Variants in RAB10 observed in about 807,000 individuals in gnomAD.
The protein encoded by RAB10 is ras-related protein Rab-10.
In RAB10, 5 loss-of-function variants were observed where a neutral mutation model predicts 25.7. The ratio of observed to expected loss-of-function variants is 0.19; its 90% CI spans 0.10 to 0.41. RAB10 has a LOEUF of 0.41. RAB10 is among the 10% of genes least tolerant of loss of function. The pLI is 1.00. For synonymous variants in RAB10, 89 were observed against 86.4 expected (o/e 1.03, Z -0.16); for missense variants, 103 against 245.8 (o/e 0.42, Z 3.89).
At chr2:26,083,813 C>T (rs1482797843) in intron 1 of RAB10, among the ~76,000 whole-genome samples, 1 of 152,016 alleles carries the variant, frequency 6.6e-6, no homozygotes, top group Non-Finnish European at 1.5e-5. Context: ...GCAGCTGCAC[C>T]TGCTTAATCA....
chr2:26,117,009 T>G (rs895486024), intron 3 of RAB10, among the ~76,000 whole-genome samples: 1 of 152,208 alleles, frequency 6.6e-6, no homozygotes, highest in African/African-American at 2.4e-5. Context: ...ACAAGTTTTC[T>G]GTTCCTTGGA....
In RAB10 at chr2:26,034,403, C is replaced by T; in HGVS notation, c.-206C>T. On this transcript the variant is annotated 5_prime_UTR_variant, in exon 1 of 6. Coordinates refer to ENST00000264710, the MANE Select transcript of RAB10 (RefSeq NM_016131.5). ...GACGGGCTGGGAGAGGCTGCGGAGC[C>T]GCGGTCGCCGCCCTCGGAGGCACTG... 1 of 646,630 alleles carries T rather than the reference C, an allele frequency of 1.5e-6. No homozygotes were observed. The highest frequency in any genetic ancestry group is 2.6e-6 in the Non-Finnish European group (1 of 381,684). The allele number at this position is 646,630 out of a possible 1,614,324, so 40.1% of individuals were successfully genotyped here.
intron 1 of RAB10, among the ~76,000 whole-genome samples, chr2:26,060,143 G>A (rs1282795430): frequency 1.3e-5 from 2 of 152,112 alleles, no homozygotes; most frequent in African/African-American, 4.8e-5. Context: ...TTGTGAATTC[G>A]TGTGAATGCC....
At chr2:26,061,835 C>T (rs1666402214) in intron 1 of RAB10, among the ~76,000 whole-genome samples, 1 of 146,072 alleles carries the variant, frequency 6.8e-6, no homozygotes, top group Non-Finnish European at 1.5e-5. Context: ...CGGGTCACTG[C>T]AGCCTTGACC....
At position 26,127,161 on chromosome 2, in the gene RAB10, G is replaced by A. The variant is rs760797226; in HGVS notation, c.345G>A (p.Val115=). 38 of 1,598,418 alleles carry A rather than the reference G, an allele frequency of 2.4e-5. No individual in the cohort carries two copies. The highest frequency in any genetic ancestry group is 1.7e-4 in the Middle Eastern group (1 of 6,046). ...CATTTTAGCATGCCAATGAAGATGTGGAAAGAATGTTACTAGGAAACAAGT... is the reference window on the plus strand; with the variant it reads ...CATTTTAGCATGCCAATGAAGATGTAGAAAGAATGTTACTAGGAAACAAGT... ...RNIDEHANED[V]ERMLLGNKCD... is the part of the protein sequence containing the mutation. Residue 115 remains valine (V), a synonymous_variant, in exon 4 of 6, where the codon GTG becomes GTA. Coordinates refer to ENST00000264710, the MANE Select transcript of RAB10 (RefSeq NM_016131.5).
At chr2:26,041,012 G>C (rs1665871582) in intron 1 of RAB10, among the ~76,000 whole-genome samples, 1 of 151,048 alleles carries the variant, frequency 6.6e-6, no homozygotes. Context: ...CAGAATATAA[G>C]TTGCACAAAG....
At chr2:26,095,403 C>A (rs1024522490) in intron 1 of RAB10, among the ~76,000 whole-genome samples, 2 of 152,042 alleles carry the variant, frequency 1.3e-5, no homozygotes, top group Non-Finnish European at 2.9e-5. Flanking sequence ...ATCAGGAGAT[C>A]GAGACCATCC....
chr2:26,084,124 C>T (rs1666927210), intron 1 of RAB10, among the ~76,000 whole-genome samples: 1 of 152,166 alleles, frequency 6.6e-6, no homozygotes, highest in Non-Finnish European at 1.5e-5. Context: ...TTTTCTCTGC[C>T]TGGAACACTC....
intron 5 of RAB10, among the ~76,000 whole-genome samples, chr2:26,129,223 TCACGCCACTG>T (rs1476038835): frequency 2.1e-5 from 3 of 143,238 alleles, no homozygotes; most frequent in African/African-American, 8.1e-5. Context: ...TGAGCCGAGA[TCACGCCACTG>T]CATGCCAGCT....
Position 26,039,917 on chromosome 2 carries a change from A to G in RAB10, c.127+5182A>G, listed in dbSNP as rs527334885. Reference sequence around the variant, plus strand: ...CTCTGGTTTGTAAGCTATGCTTACAACTCATCTCAGATTAGGCGTATTTCT... The same window carrying G: ...CTCTGGTTTGTAAGCTATGCTTACAGCTCATCTCAGATTAGGCGTATTTCT... On this transcript the variant is annotated intron_variant, in intron 1 of 5. Transcript: ENST00000264710. Among the ~76,000 whole-genome samples, 25 of 151,914 alleles carry G rather than the reference A, an allele frequency of 1.6e-4. No individual in the cohort carries two copies. In the East Asian group the frequency reaches 2.1e-3, roughly 13 times the overall value.
At position 26,035,036 on chromosome 2, in the gene RAB10, A is replaced by G. The variant is rs567493505; in HGVS notation, c.127+301A>G. Among the ~76,000 whole-genome samples the G allele has an allele frequency of 4.3e-4, 65 of 152,028 alleles. 2 individuals carry two copies. The South Asian group carries it at 0.013, about 30-fold the overall frequency. ...AGGCGACTGGACTGGCTTTTTCCAC[A>G]TTTGCGTGGAATTAGTAGATGTGTG... On this transcript the variant is annotated intron_variant, in intron 1 of 5. Coordinates refer to ENST00000264710, the MANE Select transcript of RAB10 (RefSeq NM_016131.5).
intron 1 of RAB10, among the ~76,000 whole-genome samples, chr2:26,096,418 A>G (rs933875470): frequency 9.5e-6 from 1 of 104,740 alleles, no homozygotes; most frequent in African/African-American, 3.5e-5. Flanking sequence ...GGCTGGATGG[A>G]TGGCTGGCTG....
chr2:26,108,885 ATT>A (rs1296211398), intron 2 of RAB10, among the ~76,000 whole-genome samples: 10 of 36,502 alleles, frequency 2.7e-4, no homozygotes, highest in Admixed American at 7.5e-4. Flanking sequence ...CTTTATATTT[ATT>A]TATTTATTTA....
At chr2:26,051,370 CCCCCCCCCG>C (rs1666129577) in intron 1 of RAB10, among the ~76,000 whole-genome samples, 3 of 70,486 alleles carry the variant, frequency 4.3e-5, no homozygotes, top group African/African-American at 1.4e-4. Context: ...GCCCCCCCCC[CCCCCCCCCG>C]TTTTATTGTA....
At chr2:26,090,046 C>T (rs545625361) in intron 1 of RAB10, among the ~76,000 whole-genome samples, 155 of 152,256 alleles carry the variant, frequency 1.0e-3, no homozygotes, top group Middle Eastern at 3.4e-3. Flanking sequence ...GAAAAATCCC[C>T]CCTGGAACTT....
At chr2:26,037,774 A>G (rs1262803726) in intron 1 of RAB10, among the ~76,000 whole-genome samples, 1 of 152,208 alleles carries the variant, frequency 6.6e-6, no homozygotes, top group Non-Finnish European at 1.5e-5. Context: ...CATATTAGCT[A>G]TATATAGAAT....
At chr2:26,040,519 A>G (rs1296978900) in intron 1 of RAB10, among the ~76,000 whole-genome samples, 2 of 151,968 alleles carry the variant, frequency 1.3e-5, no homozygotes, top group African/African-American at 2.4e-5. Context: ...TTAGCAGGAC[A>G]TGGTGGCATG....
chr2:26,115,661 A>G (rs983152291), intron 3 of RAB10, among the ~76,000 whole-genome samples: 6 of 152,166 alleles, frequency 3.9e-5, no homozygotes, highest in African/African-American at 1.4e-4. Flanking sequence ...AGTAGTGGTG[A>G]TAGTTGAACT....
intron 3 of RAB10, among the ~76,000 whole-genome samples, chr2:26,115,026 G>C (rs1667654499): frequency 6.6e-6 from 1 of 152,154 alleles, no homozygotes; most frequent in East Asian, 1.9e-4. Flanking sequence ...TGCTTTGAAG[G>C]TTCTACCATT....
Sources: gnomAD v4.1 joint callset for allele counts (sites outside exome capture counted in the v4.1 genomes callset) on GRCh38, gnomAD v4.1.1 for gene constraint, MANE v1.5 for transcripts, NCBI Gene and HGNC (gene_info 2026-07-23, HGNC 2026-07-21) for gene names.